VSIR: variants seen among roughly 807,000 people sequenced by gnomAD.
VSIR encodes the protein V-type immunoglobulin domain-containing suppressor of T-cell activation.
Under a neutral mutation model 31.0 loss-of-function variants are expected in VSIR, and 10 were observed. That is an observed-to-expected ratio of 0.32 (90% CI 0.20 to 0.55). The LOEUF is 0.55. Among genes scored for constraint, VSIR ranks in the 20% least tolerant of loss-of-function variants. The pLI, the probability that VSIR is intolerant of heterozygous loss-of-function variation, is 0.93. For synonymous variants in VSIR, 179 were observed against 180.1 expected, an observed-to-expected ratio of 0.99 and a Z score of 0.05; for missense variants, 356 against 416.2, an observed-to-expected ratio of 0.86 and a Z score of 1.26.
At chr10:71,752,521 C>G (rs1027156224) in intron 5 of VSIR, among the ~76,000 whole-genome samples, 10 of 152,204 alleles carry the variant, frequency 6.6e-5, no homozygotes, top group Non-Finnish European at 1.0e-4. Flanking sequence ...ATCCCCTCTG[C>G]CCCTAGACCC....
At chr10:71,753,207 G>A (rs1840051168) in intron 4 of VSIR, among the ~76,000 whole-genome samples, 1 of 152,220 alleles carries the variant, frequency 6.6e-6, no homozygotes, top group African/African-American at 2.4e-5. Flanking sequence ...TCCATGAGGG[G>A]CCCATTTTGA....
intron 1 of VSIR, among the ~76,000 whole-genome samples, chr10:71,768,252 C>T (rs1193727359): frequency 6.6e-6 from 1 of 152,136 alleles, no homozygotes; most frequent in Non-Finnish European, 1.5e-5. Context: ...CTCACTGCAA[C>T]CTCCGCCTCC....
intron 4 of VSIR, chr10:71,754,927 G>A (rs1840094636): frequency 2.7e-6 from 1 of 367,358 alleles, no homozygotes; most frequent in Non-Finnish European, 5.6e-6. Context: ...GAGCTAAGTT[G>A]TCTGTAAGAC....
Position 71,751,786 on chromosome 10 carries a change from C to G in VSIR, c.780G>C (p.Arg260Ser). ...GCTGGGCCACATAGGACAGGGGGTG[C>G]CTGACTTTGGCCTCGGGTATCCCCT... ...PAQGIPEAKV[R>S]HPLSYVAQRQ... is the part of the protein sequence containing the mutation. Residue 260 changes from arginine (R) to serine (S), a missense_variant, in exon 6 of 7, where the codon AGG (arginine) becomes AGC (serine). Around this residue, in one of 2 missense-constraint regions of VSIR, gnomAD observed 190 missense variants for 185.2 expected, o/e 1.03. Transcript: ENST00000394957. The surrounding 1 kb of genome is among the most constrained non-coding windows in gnomAD (Gnocchi z 4.9). 2 of 1,599,660 alleles carry G rather than the reference C, an allele frequency of 1.3e-6. No individual in the cohort carries two copies. The highest frequency in any genetic ancestry group is 2.2e-5 in the East Asian group (1 of 44,502).
At chr10:71,753,064 T>C in intron 4 of VSIR, 62 bp from the exon 5 acceptor site, 1 of 1,576,370 alleles carries the variant, frequency 6.3e-7, no homozygotes, top group Non-Finnish European at 8.6e-7. Flanking sequence ...ACAACATCCC[T>C]GCCCCTGCTG....
At chr10:71,765,059 G>T (rs947419424) in intron 1 of VSIR, among the ~76,000 whole-genome samples, 3 of 152,218 alleles carry the variant, frequency 2.0e-5, no homozygotes, top group African/African-American at 7.2e-5. Context: ...CCGGGAAACA[G>T]AAGTGAGGAG....
intron 3 of VSIR, among the ~76,000 whole-genome samples, chr10:71,758,279 C>T (rs1190608289): frequency 1.3e-5 from 2 of 152,162 alleles, no homozygotes; most frequent in Non-Finnish European, 2.9e-5. Context: ...TTTAGCTGAT[C>T]CCCATTCCGG....
chr10:71,769,776 G>T (rs1325290755), intron 1 of VSIR, among the ~76,000 whole-genome samples: 1 of 152,238 alleles, frequency 6.6e-6, no homozygotes, highest in Admixed American at 6.5e-5. Context: ...GGCTTGGTAA[G>T]TAGCAGAGCA....
Position 71,756,567 on chromosome 10 carries a change from T to G in VSIR, c.569-1101A>C, listed in dbSNP as rs77933838. Among the ~76,000 whole-genome samples the G allele has an allele frequency of 4.9e-3, 744 of 152,330 alleles. 3 individuals are homozygous for G. Among genetic ancestry groups the G allele is most frequent in the Middle Eastern group, 0.034 (10 of 294 alleles). The stretch of plus-strand genomic sequence containing the variant: ...TGTGCATTTTCTTTTAGGCTATTGC[T>G]AAATTGCCCTCCAAAAAGGTGTACA... On this transcript the variant is annotated intron_variant, in intron 3 of 6. Transcript: ENST00000394957.
chr10:71,772,440 C>G (rs1434639087), intron 1 of VSIR, among the ~76,000 whole-genome samples: 2 of 152,230 alleles, frequency 1.3e-5, no homozygotes, highest in Non-Finnish European at 2.9e-5. Context: ...TGAAGAGATC[C>G]AGCCTCTTCA....
Position 71,751,717 on chromosome 10 carries a change from GC to G in VSIR, c.848del (p.Ser283ThrfsTer54). 1 of 1,578,240 alleles carries G rather than the reference GC, an allele frequency of 6.3e-7. No individual in the cohort carries two copies. Among genetic ancestry groups the G allele is most frequent in the Non-Finnish European group, 8.6e-7 (1 of 1,163,720 alleles). On this transcript the variant is annotated frameshift_variant, in exon 6 of 7. Transcript: ENST00000394957. LOFTEE classifies it high-confidence loss of function. The surrounding 1 kb of genome is among the most constrained non-coding windows in gnomAD (Gnocchi z 4.9). ...ESGRHLLSEPSTPLSPPGPGD... is the reference protein window; with the variant it reads ...ESGRHLLSEPXTPLSPPGPGD... Reference sequence around the variant, plus strand: ...CGGGGCCTGGAGGAGACAGGGGGGTGCTGGGCTCCGAAAGCAGATGCCGCCC... The same window carrying G: ...CGGGGCCTGGAGGAGACAGGGGGGTGTGGGCTCCGAAAGCAGATGCCGCCC...
rs1453475599 is a variant in VSIR at position 71,760,897 on chromosome 10, A to C, written c.539T>G (p.Val180Gly). 1 of 1,613,798 alleles carries C rather than the reference A, an allele frequency of 6.2e-7. No individual in the cohort carries two copies. Among genetic ancestry groups the C allele is most frequent in the South Asian group, 1.1e-5 (1 of 91,076 alleles). Reference sequence around the variant, plus strand: ...ACTATCCTGGGAGGAGGATGGGTACACCACACAGTTGGATGGTGCATCTTT... The same window carrying C: ...ACTATCCTGGGAGGAGGATGGGTACCCCACACAGTTGGATGGTGCATCTTT... ...TGKDAPSNCV[V>G]YPSSSQDSEN... The change falls in exon 3 of 7, where the codon GTG (valine) becomes GGG (glycine). Residue 180 changes from valine (V) to glycine (G), a missense_variant. By Grantham distance (109) the Val-to-Gly change is moderately radical. This residue lies in a region of VSIR where 190 missense variants were observed against 185.2 expected (regional missense o/e 1.03). Transcript: ENST00000394957.
chr10:71,753,784 G>C (rs1217432120), intron 4 of VSIR: 4 of 456,464 alleles, frequency 8.8e-6, no homozygotes, highest in South Asian at 6.2e-5. Context: ...TGGTGGGGGA[G>C]GGGCACAACA....
intron 3 of VSIR, among the ~76,000 whole-genome samples, chr10:71,759,663 C>G (rs1332232252): frequency 6.6e-6 from 1 of 151,768 alleles, no homozygotes; most frequent in Non-Finnish European, 1.5e-5. Flanking sequence ...AAAAATTAGC[C>G]AGGCATTGTG....
At position 71,750,207 on chromosome 10, in the gene VSIR, A is replaced by C. The variant is rs1310377767; in HGVS notation, c.*1046T>G. ...ACCCGCACCTGGCCGAATGGCTCTG[A>C]AGCGAAGACTCCACCAGGCCCAGAT... On this transcript the variant is annotated 3_prime_UTR_variant, in exon 7 of 7. Transcript: ENST00000394957. The C allele has an allele frequency of 6.6e-6, 1 of 152,272 alleles. No homozygotes were observed. Among genetic ancestry groups the C allele is most frequent in the Non-Finnish European group, 1.5e-5 (1 of 68,098 alleles). The allele number at this position is 152,272 out of a possible 1,614,324, so 9.4% of individuals were successfully genotyped here.
At chr10:71,763,567 G>A (rs1840452504) in intron 1 of VSIR, among the ~76,000 whole-genome samples, 1 of 152,220 alleles carries the variant, frequency 6.6e-6, no homozygotes, top group African/African-American at 2.4e-5. Context: ...AGGCAGCCTG[G>A]TGGGGCTTCT....
At position 71,751,715 on chromosome 10, in the gene VSIR, G is replaced by A; in HGVS notation, c.851C>T (p.Thr284Ile). ...SGRHLLSEPSTPLSPPGPGDV... is the reference protein window; with the variant it reads ...SGRHLLSEPSIPLSPPGPGDV... The stretch of plus-strand genomic sequence containing the variant: ...TCCGGGGCCTGGAGGAGACAGGGGG[G>A]TGCTGGGCTCCGAAAGCAGATGCCG... Residue 284 changes from threonine (T) to isoleucine (I), a missense_variant, in exon 6 of 7, where the codon ACC becomes ATC. Physicochemically the swap from Thr to Ile is moderately conservative, Grantham distance 89. Around this residue, in one of 2 missense-constraint regions of VSIR, gnomAD observed 190 missense variants for 185.2 expected, o/e 1.03. Transcript: ENST00000394957. This position sits in a 1 kb window ranked among gnomAD's most constrained non-coding sequence, Gnocchi z 4.9. 6.3e-7 allele frequency: 1 copy of A among 1,577,362 alleles called. No homozygotes were observed. The highest frequency in any genetic ancestry group is 8.6e-7 in the Non-Finnish European group (1 of 1,163,480).
chr10:71,763,530 G>A (rs529862908), intron 1 of VSIR, among the ~76,000 whole-genome samples: 155 of 152,324 alleles, frequency 1.0e-3, no homozygotes, highest in Non-Finnish European at 1.3e-3. Context: ...CACTGGAAGA[G>A]CTGAAAGCCT....
intron 3 of VSIR, among the ~76,000 whole-genome samples, chr10:71,759,846 C>CACACACAT (rs776230069): frequency 0.3 from 18,080 of 60,938 alleles, 3,444 homozygotes; most frequent in Middle Eastern, 0.42. Flanking sequence ...CACACACACA[C>CACACACAT]ATATACACAC....
Sources: allele counts gnomAD v4.1 joint callset (sites outside exome capture counted in the v4.1 genomes callset), GRCh38; gene constraint gnomAD v4.1.1; regional missense constraint gnomAD v4.1.1; non-coding constraint Gnocchi (gnomAD v3.1); transcripts MANE v1.5; gene names NCBI Gene and HGNC (gene_info 2026-07-23, HGNC 2026-07-21).